EPHB1: variants seen among roughly 807,000 people sequenced by gnomAD.
EPHB1 encodes the protein ephrin type-B receptor 1.
Under a neutral mutation model 94.4 loss-of-function variants are expected in EPHB1, and 30 were observed. The ratio of observed to expected loss-of-function variants is 0.32; its 90% CI spans 0.24 to 0.43. The LOEUF (loss-of-function observed/expected upper bound fraction) is 0.43, where lower values mean the gene tolerates loss of function less well. Ranked by LOEUF, EPHB1 falls within the 20% of genes least tolerant of loss-of-function variation. The probability of loss-of-function intolerance (pLI) is 1.00; values close to 1 mark genes in which losing one functional copy is unlikely to be tolerated. For missense variants in EPHB1, 1,055 were observed against 1,308.3 expected (o/e 0.81, Z 2.99); for synonymous variants, 522 against 489.1 (o/e 1.07, Z -0.89).
chr3:134,881,168 G>A (rs1323005642), intron 1 of EPHB1, among the ~76,000 whole-genome samples: 2 of 152,076 alleles, frequency 1.3e-5, no homozygotes, highest in Non-Finnish European at 2.9e-5. Context: ...GTTAGCGATG[G>A]CCCAGAGCCC....
At chr3:135,056,492 C>G (rs1387796223) in intron 3 of EPHB1, among the ~76,000 whole-genome samples, 3 of 152,196 alleles carry the variant, frequency 2.0e-5, no homozygotes, top group African/African-American at 7.2e-5. Context: ...TCTGTTTTAC[C>G]CTTGAAGCAA....
chr3:134,847,174 G>GA (rs2036891686), intron 1 of EPHB1, among the ~76,000 whole-genome samples: 2 of 150,232 alleles, frequency 1.3e-5, no homozygotes, highest in African/African-American at 5.0e-5. Context: ...CACACATCAT[G>GA]GAAAAAAAAA....
At chr3:134,811,080 A>G (rs2036164688) in intron 1 of EPHB1, among the ~76,000 whole-genome samples, 2 of 151,722 alleles carry the variant, frequency 1.3e-5, no homozygotes, top group South Asian at 2.1e-4. Context: ...AGACATGCCC[A>G]CAACACCCTC....
chr3:135,112,695 C>G (rs1939505709), intron 4 of EPHB1, among the ~76,000 whole-genome samples: 2 of 151,692 alleles, frequency 1.3e-5, no homozygotes, highest in South Asian at 4.2e-4. Context: ...CAGTTTCATC[C>G]ATGTCCCTAC....
chr3:134,809,494 C>A (rs1176078061), intron 1 of EPHB1, among the ~76,000 whole-genome samples: 3 of 152,158 alleles, frequency 2.0e-5, no homozygotes, highest in African/African-American at 7.2e-5. Context: ...TTGTTCAGAG[C>A]ATCTCCTCCT....
intron 2 of EPHB1, among the ~76,000 whole-genome samples, chr3:134,938,552 G>A (rs1002597137): frequency 3.3e-5 from 5 of 152,272 alleles, no homozygotes; most frequent in Non-Finnish European, 7.3e-5. Flanking sequence ...GCCCAAGCAC[G>A]CATATATCAA....
chr3:134,864,613 A>G (rs747578759), intron 1 of EPHB1, among the ~76,000 whole-genome samples: 5 of 152,184 alleles, frequency 3.3e-5, no homozygotes, highest in Non-Finnish European at 7.3e-5. Context: ...GAGGGAAATG[A>G]ATTATTTTAT....
intron 4 of EPHB1, 140 bp downstream of exon 4, chr3:135,106,743 C>T: frequency 9.3e-7 from 1 of 1,074,942 alleles, no homozygotes; most frequent in Non-Finnish European, 1.3e-6. Context: ...CTGAAACATA[C>T]AACTCCTATG....
In EPHB1 at chr3:134,821,841, C is replaced by T. The variant is rs527697512; in HGVS notation, c.58+26152C>T. Among the ~76,000 whole-genome samples the T allele has an allele frequency of 3.9e-5, 6 of 152,292 alleles. No individual in the cohort carries two copies. The East Asian group carries it at 1.2e-3, about 29-fold the overall frequency. ...GTGATGCCTTTGGGATACAGCCCTTCTCAATCTCCCTTTTTTCCAACCTGG... is the reference window on the plus strand; with the variant it reads ...GTGATGCCTTTGGGATACAGCCCTTTTCAATCTCCCTTTTTTCCAACCTGG... On this transcript the variant is annotated intron_variant, in intron 1 of 15. Coordinates refer to ENST00000398015, the MANE Select transcript of EPHB1 (RefSeq NM_004441.5).
At position 135,127,778 on chromosome 3, in the gene EPHB1, A is replaced by G. The variant is rs569683836; in HGVS notation, c.962-4936A>G. On this transcript the variant is annotated intron_variant, in intron 4 of 15. Coordinates refer to ENST00000398015, the MANE Select transcript of EPHB1 (RefSeq NM_004441.5). The stretch of plus-strand genomic sequence containing the variant: ...ATCACATTAAGAAGCAGGAGATTCT[A>G]TCTTAATATGGTAGCACTTGGGCTG... 4.6e-5 allele frequency among the ~76,000 whole-genome samples: 7 copies of G among 152,282 alleles called. 1 individual carries two copies. The South Asian group carries it at 1.0e-3, about 23-fold the overall frequency.
At chr3:134,796,562 G>C (rs1269550794) in intron 1 of EPHB1, among the ~76,000 whole-genome samples, 1 of 152,248 alleles carries the variant, frequency 6.6e-6, no homozygotes, top group Non-Finnish European at 1.5e-5. Flanking sequence ...GCCCGGCGCA[G>C]CGGGGAGCCT....
chr3:135,116,419 C>T (rs1353582267), intron 4 of EPHB1, among the ~76,000 whole-genome samples: 4 of 152,138 alleles, frequency 2.6e-5, no homozygotes, highest in Non-Finnish European at 5.9e-5. Context: ...CCCAGATGGC[C>T]TTTTGGTCCC....
Position 134,797,283 on chromosome 3 carries a change from A to G in EPHB1, c.58+1594A>G, listed in dbSNP as rs4955453. ...TGGAGTGCCGTCAACACCCTGGCGC[A>G]GGGATGCCTGGGTTTGACTTATTGA... On this transcript the variant is annotated intron_variant, in intron 1 of 15. Coordinates refer to ENST00000398015, the MANE Select transcript of EPHB1 (RefSeq NM_004441.5). Among the ~76,000 whole-genome samples the G allele has an allele frequency of 1.3e-4, 20 of 152,274 alleles. No individual in the cohort carries two copies. The South Asian group carries it at 1.9e-3, about 14-fold the overall frequency.
In EPHB1 at chr3:134,954,968, T is replaced by G. The variant is rs562648909; in HGVS notation, c.805+2916T>G. On this transcript the variant is annotated intron_variant, in intron 3 of 15. Coordinates refer to ENST00000398015, the MANE Select transcript of EPHB1 (RefSeq NM_004441.5). ...GAGAAGAGAACAGGTGAGAGGGGAG[T>G]AGAGGAAGCTATGGGGAGAACTTGC... 6.1e-5 allele frequency among the ~76,000 whole-genome samples: 9 copies of G among 148,688 alleles called. No individual in the cohort carries two copies. In the South Asian group the frequency reaches 1.9e-3, roughly 32 times the overall value.
At chr3:135,111,769 TC>T (rs1356708960) in intron 4 of EPHB1, among the ~76,000 whole-genome samples, 25 of 152,246 alleles carry the variant, frequency 1.6e-4, no homozygotes, top group South Asian at 4.1e-4. Flanking sequence ...AACCTCCACC[TC>T]CCAGGTTCAA....
intron 3 of EPHB1, among the ~76,000 whole-genome samples, chr3:135,078,917 T>C (rs1213594009): frequency 1.3e-5 from 2 of 152,170 alleles, no homozygotes; most frequent in Non-Finnish European, 2.9e-5. Context: ...TCTTTCCTTT[T>C]CTCTGGTTTC....
chr3:135,154,137 T>A lies in EPHB1; in HGVS notation c.1298-15T>A. 1 of 1,613,872 alleles carries A rather than the reference T, an allele frequency of 6.2e-7. No individual in the cohort carries two copies. ...AGTGTCTGTTCAGCTACCCTGTTTC[T>A]TTCTCTCTCCACAGCCCCCTCCACC... is the stretch of plus-strand genomic sequence containing the variant. On this transcript the variant is annotated splice_polypyrimidine_tract_variant and intron_variant, in intron 5 of 15. Transcript: ENST00000398015.
chr3:134,852,213 TTG>T (rs1217954963), intron 1 of EPHB1, among the ~76,000 whole-genome samples: 1 of 152,062 alleles, frequency 6.6e-6, no homozygotes, highest in Non-Finnish European at 1.5e-5. Flanking sequence ...CTCCTTTTGG[TTG>T]CCCCACCCCT....
chr3:134,817,183 T>A (rs1484431680), intron 1 of EPHB1, among the ~76,000 whole-genome samples: 2 of 152,144 alleles, frequency 1.3e-5, no homozygotes, highest in Non-Finnish European at 2.9e-5. Context: ...CTGCCTGTTT[T>A]TGTAAATAAA....
Sources: allele counts gnomAD v4.1 joint callset (sites outside exome capture counted in the v4.1 genomes callset), GRCh38; gene constraint gnomAD v4.1.1; transcripts MANE v1.5; gene names NCBI Gene and HGNC (gene_info 2026-07-23, HGNC 2026-07-21).